STK33: variants seen among roughly 807,000 people sequenced by gnomAD.
STK33 encodes the protein serine/threonine-protein kinase 33.
STK33 carries 52 observed loss-of-function variants against 58.0 expected under a neutral mutation model. The observed-to-expected ratio is 0.90, with a 90% CI of 0.72 to 1.13. STK33 has a LOEUF of 1.13. STK33 is among the 50% of genes most tolerant of loss of function. STK33 has a pLI of 0.00. For synonymous variants in STK33, 215 were observed against 200.1 expected, an observed-to-expected ratio of 1.07 and a Z score of -0.63; for missense variants, 630 against 604.2, an observed-to-expected ratio of 1.04 and a Z score of -0.45.
At chr11:8,409,356 G>A (rs534379970) in intron 15 of STK33, among the ~76,000 whole-genome samples, 2 of 152,322 alleles carry the variant, frequency 1.3e-5, no homozygotes, top group East Asian at 3.9e-4. Flanking sequence ...AAATAGAAGA[G>A]AGCAAGCTAA....
chr11:8,444,763 A>C (rs1012151260), intron 11 of STK33, among the ~76,000 whole-genome samples: 7 of 152,194 alleles, frequency 4.6e-5, no homozygotes, highest in African/African-American at 1.7e-4. Context: ...TGGATAATTT[A>C]GTATAAATTG....
intron 1 of STK33, among the ~76,000 whole-genome samples, chr11:8,510,252 G>A (rs763869791): frequency 6.6e-6 from 1 of 152,164 alleles, no homozygotes; most frequent in Non-Finnish European, 1.5e-5. Context: ...CTGATAATTA[G>A]TGATGTTGAG....
chr11:8,531,593 G>A lies in STK33; in HGVS notation c.-465-50979C>T, dbSNP rs190479503. 3.8e-3 allele frequency among the ~76,000 whole-genome samples: 581 copies of A among 152,264 alleles called. 1 individual carries two copies. Among genetic ancestry groups the A allele is most frequent in the Non-Finnish European group, 5.9e-3 (398 of 68,018 alleles). On this transcript the variant is annotated intron_variant, in intron 1 of 15. Transcript: ENST00000687296. ...GGAGCTTAGCTTGGCCTATCAATGG[G>A]GATGCTCACATATGGGCTCTCCAGC...
chr11:8,497,619 T>C (rs1239850621), intron 1 of STK33, among the ~76,000 whole-genome samples: 1 of 152,080 alleles, frequency 6.6e-6, no homozygotes, highest in Admixed American at 6.5e-5. Flanking sequence ...TACAGGCACA[T>C]GCCACCATGC....
the STK33 span, among the ~76,000 whole-genome samples, chr11:8,354,851 C>T: frequency 2.6e-5 from 4 of 152,382 alleles, no homozygotes; most frequent in South Asian, 4.1e-4. Context: ...GGGCGCCGGC[C>T]CCTCCGCGGC....
In STK33 at chr11:8,427,669, A is replaced by G. The variant is rs536472042; in HGVS notation, c.1146+7825T>C. Among the ~76,000 whole-genome samples, 3 of 152,284 alleles carry G rather than the reference A, an allele frequency of 2.0e-5. No homozygotes were observed. The South Asian group carries it at 6.2e-4, about 32-fold the overall frequency. ...TATCCTCTCCTGCTCCCTTCTGTAT[A>G]AAGTTCTACAATCTGATCATCTAGT... On this transcript the variant is annotated intron_variant, in intron 14 of 15. Transcript: ENST00000687296.
At chr11:8,464,263 A>G (rs981309206) in intron 7 of STK33, among the ~76,000 whole-genome samples, 1 of 152,230 alleles carries the variant, frequency 6.6e-6, no homozygotes, top group Non-Finnish European at 1.5e-5. Context: ...GTGGTTCAAC[A>G]TGAAAGAGCA....
chr11:8,485,477 C>T (rs1034780380), intron 1 of STK33, among the ~76,000 whole-genome samples: 3 of 152,088 alleles, frequency 2.0e-5, no homozygotes, highest in African/African-American at 7.2e-5. Flanking sequence ...TCAGATATTC[C>T]ACTATACTAC....
At chr11:8,361,222 C>T in the STK33 span, among the ~76,000 whole-genome samples, 1 of 152,176 alleles carries the variant, frequency 6.6e-6, no homozygotes, top group Non-Finnish European at 1.5e-5. The surrounding 1 kb of genome is among the most constrained non-coding windows in gnomAD (Gnocchi z 4.8). Flanking sequence ...AAGGGGAGGG[C>T]TCCATGCCTG....
the STK33 span, among the ~76,000 whole-genome samples, chr11:8,378,868 G>A: frequency 2.0e-5 from 3 of 152,070 alleles, no homozygotes; most frequent in East Asian, 5.8e-4. Flanking sequence ...AAATCTGGAG[G>A]CATCACATTA....
intron 1 of STK33, among the ~76,000 whole-genome samples, chr11:8,528,038 A>G (rs1049094375): frequency 7.2e-5 from 11 of 152,210 alleles, no homozygotes; most frequent in Non-Finnish European, 1.6e-4. Context: ...CCATGTAAGT[A>G]TAATATGCAT....
intron 1 of STK33, among the ~76,000 whole-genome samples, chr11:8,586,210 C>T (rs114686306): frequency 0.013 from 1,727 of 133,686 alleles, 38 homozygotes; most frequent in African/African-American, 0.049. Flanking sequence ...GAGCCAGATC[C>T]TATCTCGGAA....
chr11:8,457,220 A>G, intron 9 of STK33, 121 bp downstream of exon 9: 1 of 877,788 alleles, frequency 1.1e-6, no homozygotes, highest in Non-Finnish European at 1.6e-6. Flanking sequence ...TTAACTAAAA[A>G]TTAAATCTTC....
At chr11:8,570,290 C>T (rs961982128) in intron 1 of STK33, among the ~76,000 whole-genome samples, 10 of 152,148 alleles carry the variant, frequency 6.6e-5, no homozygotes, top group Admixed American at 1.3e-4. Context: ...ATGTAAGGTT[C>T]TTGCAACAAG....
the STK33 span, among the ~76,000 whole-genome samples, chr11:8,381,122 T>C: frequency 6.6e-6 from 1 of 152,126 alleles, no homozygotes; most frequent in Non-Finnish European, 1.5e-5. Flanking sequence ...GAAGGAGTGC[T>C]GGGTGGCGAA....
intron 1 of STK33, among the ~76,000 whole-genome samples, chr11:8,488,852 A>G (rs1372545675): frequency 6.6e-6 from 1 of 152,244 alleles, no homozygotes; most frequent in African/African-American, 2.4e-5. Context: ...GAAGGAAAAC[A>G]AAGTAATCAG....
At chr11:8,509,116 C>CAAAAAA (rs1161851155) in intron 1 of STK33, among the ~76,000 whole-genome samples, 1 of 45,416 alleles carries the variant, frequency 2.2e-5, no homozygotes. Context: ...AACTCTGTCT[C>CAAAAAA]AAAAAAAAAA....
intron 1 of STK33, among the ~76,000 whole-genome samples, chr11:8,553,174 A>ATATATATATATATGGTG: frequency 1.5e-5 from 1 of 67,820 alleles, no homozygotes; most frequent in African/African-American, 7.3e-5. Context: ...TAAAATATAT[A>ATATATATATATATGGTG]TATATATATA....
intron 7 of STK33, among the ~76,000 whole-genome samples, chr11:8,463,485 C>T (rs562120333): frequency 2.6e-5 from 4 of 152,198 alleles, no homozygotes; most frequent in African/African-American, 7.2e-5. Flanking sequence ...TAACAGGCCA[C>T]GGACAGGTAC....
Sources: allele counts gnomAD v4.1 joint callset (sites outside exome capture counted in the v4.1 genomes callset), GRCh38; gene constraint gnomAD v4.1.1; non-coding constraint Gnocchi (gnomAD v3.1); transcripts MANE v1.5; gene names NCBI Gene and HGNC (gene_info 2026-07-23, HGNC 2026-07-21).